The following SFSWAP variants were observed in gnomAD, a reference collection of about 807,000 sequenced individuals.
SFSWAP encodes the protein splicing factor, suppressor of white-apricot homolog.
Under a neutral mutation model 100.7 loss-of-function variants are expected in SFSWAP, and 17 were observed. The observed-to-expected ratio is 0.17, with a 90% CI of 0.12 to 0.25. The LOEUF is 0.25. Ranked by LOEUF, SFSWAP falls within the 10% of genes least tolerant of loss-of-function variation. The probability of loss-of-function intolerance (pLI) is 1.00; values close to 1 mark genes in which losing one functional copy is unlikely to be tolerated. For missense variants in SFSWAP, 1,005 were observed against 1,262.6 expected, an observed-to-expected ratio of 0.80 and a Z score of 3.09; for synonymous variants, 504 against 510.1, an observed-to-expected ratio of 0.99 and a Z score of 0.16.
intron 14 of SFSWAP, chr12:131,785,072 G>C (rs910665454): frequency 1.3e-6 from 2 of 1,533,378 alleles, no homozygotes; most frequent in African/African-American, 2.7e-5. Context: ...CCGTGTCACA[G>C]AGTCACAGCC....
At chr12:131,748,687 T>G (rs572787601) in intron 7 of SFSWAP, among the ~76,000 whole-genome samples, 1 of 152,368 alleles carries the variant, frequency 6.6e-6, no homozygotes, top group South Asian at 2.1e-4. Context: ...GGCAGATTTC[T>G]CTGACCTATG....
Position 131,786,491 on chromosome 12 carries a change from G to T in SFSWAP, c.2437G>T (p.Ala813Ser). ...CCGCTCCCGGTCCCCTCGGAGGAGA[G>T]CCCACTCCCCTGAGAGACGGAGGGA... is the stretch of plus-strand genomic sequence containing the variant. ...RSRSRSPRRRAHSPERRREER... is the reference protein window; with the variant it reads ...RSRSRSPRRRSHSPERRREER... The change falls in exon 15 of 18, where the codon GCC (alanine) becomes TCC (serine). Residue 813 changes from alanine to serine, a missense_variant. Transcript: ENST00000261674. The T allele has an allele frequency of 6.3e-7, 1 of 1,586,694 alleles. No homozygotes were observed. Among genetic ancestry groups the T allele is most frequent in the Non-Finnish European group, 8.6e-7 (1 of 1,167,528 alleles).
chr12:131,743,558 G>A (rs886083902), intron 7 of SFSWAP, among the ~76,000 whole-genome samples: 10 of 152,242 alleles, frequency 6.6e-5, no homozygotes, highest in South Asian at 2.1e-4. Flanking sequence ...GGGCAGCTCC[G>A]CGCCTGTGGC....
At chr12:131,799,281 C>CCTGCA (rs1386942367) in intron 17 of SFSWAP, 142 bp from the exon 18 acceptor site, 2 of 1,043,282 alleles carry the variant, frequency 1.9e-6, no homozygotes, top group Non-Finnish European at 3.0e-6. Context: ...TGGCCCGCAC[C>CCTGCA]CTGCACAGCC....
At position 131,778,014 on chromosome 12, in the gene SFSWAP, T is replaced by A; in HGVS notation, c.2143-51T>A. 1.3e-6 allele frequency: 2 copies of A among 1,569,954 alleles called. No homozygotes were observed. Among genetic ancestry groups the A allele is most frequent in the Non-Finnish European group, 1.7e-6 (2 of 1,164,396 alleles). On this transcript the variant is annotated intron_variant, in intron 13 of 17. Transcript: ENST00000261674. This position sits in a 1 kb window ranked among gnomAD's most constrained non-coding sequence, Gnocchi z 4.2. ...AGTTGAAATTTTATAGATATACATC[T>A]TCAATGTTCTGTTTTCCCTGTTAAC...
chr12:131,719,894 C>A (rs895102545), intron 4 of SFSWAP, among the ~76,000 whole-genome samples: 1 of 152,126 alleles, frequency 6.6e-6, no homozygotes, highest in Non-Finnish European at 1.5e-5. Context: ...ATCAAGACAG[C>A]GTTGATTTCA....
intron 14 of SFSWAP, chr12:131,785,136 G>A (rs1001957738): frequency 3.6e-5 from 56 of 1,535,694 alleles, no homozygotes; most frequent in African/African-American, 3.6e-4. Flanking sequence ...CAGTGACAGC[G>A]GCAGCCGAGC....
intron 13 of SFSWAP, among the ~76,000 whole-genome samples, chr12:131,768,856 G>A (rs1475176061): frequency 1.3e-5 from 2 of 152,212 alleles, no homozygotes; most frequent in Non-Finnish European, 2.9e-5. Context: ...GGACGTGGTG[G>A]CTCATACCTG....
chr12:131,783,482 G>A (rs893971896), intron 14 of SFSWAP: 1 of 151,952 alleles, frequency 6.6e-6, no homozygotes, highest in African/African-American at 2.4e-5. Flanking sequence ...TTCCAGTATA[G>A]AGAGCTATAT....
At chr12:131,745,448 C>G (rs562596941) in intron 7 of SFSWAP, among the ~76,000 whole-genome samples, 23 of 152,320 alleles carry the variant, frequency 1.5e-4, no homozygotes, top group African/African-American at 4.8e-4. Context: ...TTCTCTCATT[C>G]ACTTCTAGAG....
intron 14 of SFSWAP, among the ~76,000 whole-genome samples, chr12:131,780,514 G>C (rs555928886): frequency 6.6e-6 from 1 of 152,162 alleles, no homozygotes; most frequent in East Asian, 1.9e-4. Context: ...AATTAGCCAG[G>C]CATGGCAGTG....
rs115661859 is a variant in SFSWAP, at chr12:131,795,412, G to A, written c.2535-1766G>A. On this transcript the variant is annotated intron_variant, in intron 15 of 17. Coordinates refer to ENST00000261674, the MANE Select transcript of SFSWAP (RefSeq NM_004592.4). ...AACGCTCAGTCCCCCCCTGCATATC[G>A]GGGCTGTCCCTACCAGGGCATGCTG... is the stretch of plus-strand genomic sequence containing the variant. 6.6e-3 allele frequency among the ~76,000 whole-genome samples: 1,011 copies of A among 152,282 alleles called. 13 individuals carry two copies. The highest frequency in any genetic ancestry group is 0.023 in the African/African-American group (960 of 41,548).
chr12:131,778,377 G>T lies in SFSWAP; in HGVS notation c.2408+47G>T. 2 of 1,586,036 alleles carry T rather than the reference G, an allele frequency of 1.3e-6. No individual in the cohort carries two copies. Among genetic ancestry groups the T allele is most frequent in the Non-Finnish European group, 1.7e-6 (2 of 1,166,844 alleles). ...CCTCTGGTACCCTCATGACCCCCAT[G>T]TCCTTCACAGGACACCCAGTAGAGC... On this transcript the variant is annotated intron_variant, in intron 14 of 17. Coordinates refer to ENST00000261674, the MANE Select transcript of SFSWAP (RefSeq NM_004592.4). The surrounding 1 kb of genome is among the most constrained non-coding windows in gnomAD (Gnocchi z 4.2).
intron 3 of SFSWAP, among the ~76,000 whole-genome samples, chr12:131,715,912 C>T (rs1480575649): frequency 3.9e-5 from 6 of 152,190 alleles, no homozygotes; most frequent in Admixed American, 3.9e-4. Context: ...GTTGCCCAAG[C>T]TAGTCTCAAA....
intron 12 of SFSWAP, 120 bp downstream of exon 12, chr12:131,764,806 T>A: frequency 1.4e-6 from 1 of 693,560 alleles, no homozygotes; most frequent in Non-Finnish European, 2.5e-6. Flanking sequence ...GAAATCGACC[T>A]ATTTGGGAGT....
intron 13 of SFSWAP, among the ~76,000 whole-genome samples, chr12:131,776,794 G>C (rs1040944344): frequency 6.6e-6 from 1 of 152,244 alleles, no homozygotes; most frequent in Non-Finnish European, 1.5e-5. Flanking sequence ...CTAAAGGTGT[G>C]AAATGTTTAA....
intron 8 of SFSWAP, 102 bp from the exon 9 acceptor site, chr12:131,754,266 A>T: frequency 2.3e-6 from 2 of 852,766 alleles, no homozygotes; most frequent in Non-Finnish European, 3.4e-6. Context: ...TATAACTCAC[A>T]TGTCTCTCCG....
Position 131,714,711 on chromosome 12 carries a change from G to C in SFSWAP, c.389-111G>C. On this transcript the variant is annotated intron_variant, in intron 2 of 17. Coordinates refer to ENST00000261674, the MANE Select transcript of SFSWAP (RefSeq NM_004592.4). This position sits in a 1 kb window ranked among gnomAD's most constrained non-coding sequence, Gnocchi z 6.0. ...TAAAACTATTTTACCTCAAAAGTAG[G>C]TTGAAAAAAGTATGTTGTATGCTTT... 3 of 950,526 alleles carry C rather than the reference G, an allele frequency of 3.2e-6. No individual in the cohort carries two copies. The East Asian group carries it at 7.9e-5, about 25-fold the overall frequency. The allele number at this position is 950,526 out of a possible 1,614,324, so 58.9% of individuals were successfully genotyped here. A position where few individuals can be genotyped will look rare whatever the true frequency, so the allele number is the denominator to read the frequency against.
intron 3 of SFSWAP, among the ~76,000 whole-genome samples, chr12:131,718,574 A>G (rs1878149770): frequency 6.6e-6 from 1 of 152,232 alleles, no homozygotes; most frequent in South Asian, 2.1e-4. Context: ...AGAAATGGAA[A>G]AATAATTGAT....
Sources: allele counts gnomAD v4.1 joint callset (sites outside exome capture counted in the v4.1 genomes callset), GRCh38; gene constraint gnomAD v4.1.1; non-coding constraint Gnocchi (gnomAD v3.1); transcripts MANE v1.5; gene names NCBI Gene and HGNC (gene_info 2026-07-23, HGNC 2026-07-21).